Variants in NUP210L observed in about 807,000 individuals in gnomAD.
NUP210L encodes nuclear pore membrane glycoprotein 210-like.
Under a neutral mutation model 208.5 loss-of-function variants are expected in NUP210L, and 74 were observed. The observed-to-expected ratio is 0.35, with a 90% confidence interval of 0.29 to 0.43. NUP210L has a LOEUF of 0.43. Ranked by LOEUF, NUP210L falls within the 20% of genes least tolerant of loss-of-function variation. The pLI, the probability that NUP210L is intolerant of heterozygous loss-of-function variation, is 1.00. For missense variants in NUP210L, 1,843 were observed against 2,289.4 expected (o/e 0.81, Z 3.98); for synonymous variants, 780 against 816.9 (o/e 0.95, Z 0.77).
intron 15 of NUP210L, 101 bp from the exon 16 acceptor site, chr1:154,089,695 A>G (rs1655806232): frequency 9.7e-6 from 9 of 926,816 alleles, no homozygotes; most frequent in Middle Eastern, 3.3e-4. Flanking sequence ...CAGTATAGAG[A>G]GTCCCTTTCA....
intron 30 of NUP210L, among the ~76,000 whole-genome samples, chr1:154,024,922 GTTTTTTTTT>G (rs71096508): frequency 1.2e-5 from 1 of 83,688 alleles, no homozygotes; most frequent in African/African-American, 5.7e-5. Flanking sequence ...AGGCTGATCT[GTTTTTTTTT>G]TTTTTTTTTT....
At chr1:154,043,402 C>T (rs1437365836) in intron 27 of NUP210L, among the ~76,000 whole-genome samples, 1 of 151,810 alleles carries the variant, frequency 6.6e-6, no homozygotes, top group Non-Finnish European at 1.5e-5. Context: ...ACAACCTCCA[C>T]CTCCCGGGTT....
intron 12 of NUP210L, among the ~76,000 whole-genome samples, chr1:154,115,379 G>C (rs372495609): frequency 6.6e-6 from 1 of 152,174 alleles, no homozygotes; most frequent in Admixed American, 6.6e-5. Context: ...TGGCTTGAAA[G>C]CAGCCACAGA....
At chr1:154,042,680 G>A (rs192402724) in intron 27 of NUP210L, among the ~76,000 whole-genome samples, 267 of 150,770 alleles carry the variant, frequency 1.8e-3, no homozygotes, top group Non-Finnish European at 3.0e-3. Context: ...CACCTGCCTC[G>A]GCCTCCCAAA....
At chr1:154,012,411 G>A in intron 33 of NUP210L, 41 bp from the exon 34 acceptor site, 1 of 1,598,224 alleles carries the variant, frequency 6.3e-7, no homozygotes, top group South Asian at 1.1e-5. Flanking sequence ...TAAGTTCCTA[G>A]AGAATCTGAC....
exon 17 of NUP210L, chr1:154,070,452 C>T (rs1404901796): frequency 1.3e-5 from 20 of 1,575,536 alleles, no homozygotes; most frequent in Non-Finnish European, 1.7e-5. Context: ...GTCCCTCAGT[C>T]TTGATACAGG....
intron 23 of NUP210L, among the ~76,000 whole-genome samples, chr1:154,055,092 TC>T (rs1204268180): frequency 6.6e-6 from 1 of 151,428 alleles, no homozygotes; most frequent in East Asian, 1.9e-4. Context: ...TTCCTTCCTT[TC>T]CTTCTCTTTC....
intron 16 of NUP210L, among the ~76,000 whole-genome samples, chr1:154,073,079 AAAAC>A (rs1654840442): frequency 6.6e-6 from 1 of 152,206 alleles, no homozygotes. Flanking sequence ...TAGCAAGGAA[AAAAC>A]AAACAACCTC....
intron 27 of NUP210L, among the ~76,000 whole-genome samples, chr1:154,043,517 T>C (rs1056656617): frequency 2.6e-5 from 4 of 151,928 alleles, no homozygotes; most frequent in African/African-American, 9.7e-5. Flanking sequence ...TTTCTTCATG[T>C]TGGTCAGGCT....
chr1:154,123,814 G>A (rs1233958957), intron 10 of NUP210L, among the ~76,000 whole-genome samples: 1 of 151,802 alleles, frequency 6.6e-6, no homozygotes, highest in African/African-American at 2.4e-5. Context: ...GGAGGCAGAG[G>A]TTGCAGTGAA....
chr1:154,070,404 C>T (rs780066352), exon 17 of NUP210L: 1 of 1,613,246 alleles, frequency 6.2e-7, no homozygotes, highest in East Asian at 2.2e-5. Context: ...ATCAAACTTT[C>T]TCCTATGTTG....
chr1:154,071,009 G>A (rs1390686264), intron 16 of NUP210L, among the ~76,000 whole-genome samples: 1 of 151,744 alleles, frequency 6.6e-6, no homozygotes, highest in African/African-American at 2.4e-5. Context: ...ATCTAGAAAA[G>A]GCACATTTGC....
chr1:154,081,472 TAAC>T (rs1655320475), intron 16 of NUP210L, among the ~76,000 whole-genome samples: 1 of 152,186 alleles, frequency 6.6e-6, no homozygotes, highest in Non-Finnish European at 1.5e-5. Context: ...CCCCCTTGGA[TAAC>T]ATTTGAGTTT....
intron 38 of NUP210L, among the ~76,000 whole-genome samples, 195 bp downstream of exon 38, chr1:153,994,881 C>T (rs757355090): frequency 2.0e-5 from 3 of 151,286 alleles, no homozygotes; most frequent in East Asian, 4.0e-4. Context: ...GAGCAGTGGC[C>T]GGCGCCTGTA....
At chr1:154,105,502 C>A (rs1211037553) in intron 12 of NUP210L, among the ~76,000 whole-genome samples, 1 of 151,960 alleles carries the variant, frequency 6.6e-6, no homozygotes, top group East Asian at 1.9e-4. Flanking sequence ...AAAAAAAGAG[C>A]CCTTGGGCCT....
At chr1:154,000,818 T>G (rs1408696281) in intron 37 of NUP210L, 38 bp downstream of exon 37, 1 of 1,564,110 alleles carries the variant, frequency 6.4e-7, no homozygotes, top group South Asian at 1.1e-5. Flanking sequence ...TTTCTTCTTT[T>G]CCTCTCTAGA....
At chr1:154,151,482 G>T (rs1411510136) in intron 2 of NUP210L, among the ~76,000 whole-genome samples, 1 of 152,004 alleles carries the variant, frequency 6.6e-6, no homozygotes, top group Non-Finnish European at 1.5e-5. Flanking sequence ...AAAAAATCTG[G>T]TGAAAAATAG....
intron 17 of NUP210L, among the ~76,000 whole-genome samples, chr1:154,067,890 G>A (rs904457415): frequency 1.1e-4 from 17 of 152,250 alleles, no homozygotes; most frequent in African/African-American, 4.1e-4. Flanking sequence ...ACTTACAAGG[G>A]ATGTGAAGGA....
intron 7 of NUP210L, among the ~76,000 whole-genome samples, chr1:154,129,891 T>C (rs1210931565): frequency 6.6e-6 from 1 of 152,238 alleles, no homozygotes; most frequent in African/African-American, 2.4e-5. Flanking sequence ...TCTGGGTCAC[T>C]TATACCTCAT....
Sources: gnomAD v4.1 joint callset for allele counts (sites outside exome capture counted in the v4.1 genomes callset) on GRCh38, gnomAD v4.1.1 for gene constraint, MANE v1.5 for transcripts, NCBI Gene and HGNC (gene_info 2026-07-23, HGNC 2026-07-21) for gene names.